Variants in PACRGL observed in about 807,000 individuals in gnomAD.
PACRGL encodes parkin coregulated like, also known as PACRG-like protein.
In PACRGL, 38 loss-of-function variants were observed where a neutral mutation model predicts 34.5. That is an observed-to-expected ratio of 1.10 (90% CI 0.85 to 1.44). The LOEUF (loss-of-function observed/expected upper bound fraction) is 1.44, where lower values mean the gene tolerates loss of function less well. PACRGL is among the 40% of genes most tolerant of loss of function. PACRGL has a pLI of 0.00. For synonymous variants in PACRGL, 128 were observed against 100.1 expected (o/e 1.28, Z -1.66); for missense variants, 305 against 281.4 (o/e 1.08, Z -0.60).
At chr4:20,720,706 A>T (rs1157850771) in intron 7 of PACRGL, among the ~76,000 whole-genome samples, 3 of 152,074 alleles carry the variant, frequency 2.0e-5, no homozygotes, top group African/African-American at 7.2e-5. Flanking sequence ...TGTTAGTCTG[A>T]TGGGCTTCCC....
At chr4:20,720,819 C>G (rs1214907791) in intron 7 of PACRGL, among the ~76,000 whole-genome samples, 1 of 152,070 alleles carries the variant, frequency 6.6e-6, no homozygotes, top group Non-Finnish European at 1.5e-5. Flanking sequence ...TTGCTCTTCT[C>G]AAGAAGTATC....
At chr4:20,758,952 A>G in the PACRGL span, 1 of 1,285,806 alleles carries the variant, frequency 7.8e-7, no homozygotes, top group Non-Finnish European at 1.1e-6. Context: ...TTTTTTTTGC[A>G]CATTTTGAAA....
chr4:20,728,312 C>CACT lies in PACRGL; in HGVS notation c.*972_*974dup, dbSNP rs1377096801. Reference sequence around the variant, plus strand: ...TTCATAGCCAGAAAATACTGATGTTCACTTAAAGATATTCAGCAATTAAAA... The same window carrying CACT: ...TTCATAGCCAGAAAATACTGATGTTCACTACTTAAAGATATTCAGCAATTAAAA... On this transcript the variant is annotated 3_prime_UTR_variant, in exon 9 of 9. Coordinates refer to ENST00000503585, the MANE Select transcript of PACRGL (RefSeq NM_001258345.3). 3 of 152,228 alleles carry CACT rather than the reference C, an allele frequency of 2.0e-5. No homozygotes were observed. The East Asian group carries it at 5.8e-4, about 29-fold the overall frequency. The allele number at this position is 152,228 out of a possible 1,614,324, so 9.4% of individuals were successfully genotyped here.
chr4:20,703,829 T>G (rs1378082698), intron 1 of PACRGL, among the ~76,000 whole-genome samples: 4 of 152,198 alleles, frequency 2.6e-5, no homozygotes, highest in Non-Finnish European at 4.4e-5. Context: ...CCCAAAGCTC[T>G]TTCTTTCTCA....
chr4:20,707,957 G>A lies in PACRGL; in HGVS notation c.275+87G>A, dbSNP rs1452278795. 2.9e-6 allele frequency: 3 copies of A among 1,031,914 alleles called. No homozygotes were observed. The Admixed American group carries it at 6.2e-5, about 21-fold the overall frequency. 63.9% of individuals were successfully genotyped at this position (1,031,914 alleles called of 1,614,324 possible). A position where few individuals can be genotyped will look rare whatever the true frequency, so the allele number is the denominator to read the frequency against. On this transcript the variant is annotated intron_variant, in intron 4 of 8. Coordinates refer to ENST00000503585, the MANE Select transcript of PACRGL (RefSeq NM_001258345.3). ...AATATTTAGTTTAAATGTATTGTAA[G>A]TTTTATTTACTAGTGAGGTTGAAAT...
intron 8 of PACRGL, among the ~76,000 whole-genome samples, 186 bp from the exon 9 acceptor site, chr4:20,727,099 A>G (rs1746031701): frequency 6.6e-6 from 1 of 152,180 alleles, no homozygotes. Context: ...AGATACTTCA[A>G]AAAAAGAGAA....
chr4:20,735,099 AAC>A (rs1382657352), downstream of PACRGL, among the ~76,000 whole-genome samples: 1 of 152,230 alleles, frequency 6.6e-6, no homozygotes, highest in Admixed American at 6.5e-5. Flanking sequence ...GTGCACACAT[AAC>A]ACACTTCAAT....
At chr4:20,765,732 C>G in the PACRGL span, among the ~76,000 whole-genome samples, 3 of 152,136 alleles carry the variant, frequency 2.0e-5, no homozygotes, top group African/African-American at 4.8e-5. Context: ...GCCTGTGAAA[C>G]CCTTCACTGT....
At chr4:20,740,260 A>C (rs535753009) in intron 8 of PACRGL, among the ~76,000 whole-genome samples, 1 of 152,308 alleles carries the variant, frequency 6.6e-6, no homozygotes, top group South Asian at 2.1e-4. Flanking sequence ...CCTTAAGAGC[A>C]ATTCCAAGAC....
In PACRGL at chr4:20,731,347, T is replaced by A; in HGVS notation, c.*4006T>A. On this transcript the variant is annotated 3_prime_UTR_variant, in exon 9 of 9. Coordinates refer to ENST00000503585, the MANE Select transcript of PACRGL (RefSeq NM_001258345.3). ...CCTCAGCCTCCCATAGTGCTGGGAT[T>A]ACAGTTGTGAGCTACTGTACCAGGC... 2 of 971,062 alleles carry A rather than the reference T, an allele frequency of 2.1e-6. No homozygotes were observed. The highest frequency in any genetic ancestry group is 2.4e-6 in the Non-Finnish European group (2 of 816,760). The allele number at this position is 971,062 out of a possible 1,614,324, so 60.2% of individuals were successfully genotyped here. A position where few individuals can be genotyped will look rare whatever the true frequency, so the allele number is the denominator to read the frequency against.
intron 8 of PACRGL, among the ~76,000 whole-genome samples, chr4:20,738,175 T>G (rs1185097290): frequency 6.6e-6 from 1 of 151,854 alleles, no homozygotes; most frequent in Admixed American, 6.6e-5. Context: ...GCATAAAATA[T>G]ACATTGCAGA....
At position 20,724,792 on chromosome 4, in the gene PACRGL, A is replaced by G. The variant is rs1266025459; in HGVS notation, c.610-16A>G. ...GTTTAAAGTCATTTCGTTTCCCCCT[A>G]ATCTTACTTTAAAAGCTTTCCAAGA... On this transcript the variant is annotated splice_polypyrimidine_tract_variant and intron_variant, in intron 7 of 8. Coordinates refer to ENST00000503585, the MANE Select transcript of PACRGL (RefSeq NM_001258345.3). The G allele has an allele frequency of 7.0e-7, 1 of 1,429,728 alleles. No individual in the cohort carries two copies. The highest frequency in any genetic ancestry group is 2.7e-5 in the Admixed American group (1 of 36,622). The allele number at this position is 1,429,728 out of a possible 1,614,324, so 88.6% of individuals were successfully genotyped here. A position where few individuals can be genotyped will look rare whatever the true frequency, so the allele number is the denominator to read the frequency against.
intron 8 of PACRGL, among the ~76,000 whole-genome samples, chr4:20,742,540 A>G (rs1199820400): frequency 6.6e-6 from 1 of 152,194 alleles, no homozygotes. Flanking sequence ...AAAACTCTCA[A>G]TAAACTAGGT....
chr4:20,721,759 C>G (rs1009055855), intron 7 of PACRGL, among the ~76,000 whole-genome samples: 1 of 152,208 alleles, frequency 6.6e-6, no homozygotes, highest in Non-Finnish European at 1.5e-5. Context: ...CTCAGTTAGG[C>G]TACTCACGGG....
At position 20,729,422 on chromosome 4, in the gene PACRGL, G is replaced by GC. The variant is rs1486467853; in HGVS notation, c.*2082dup. ...TGTAACATATTATGGAAAATTAAAT[G>GC]CTTATTAAAATAAGTTTTATTAGGC... On this transcript the variant is annotated 3_prime_UTR_variant, in exon 9 of 9. Coordinates refer to ENST00000503585, the MANE Select transcript of PACRGL (RefSeq NM_001258345.3). 6 of 151,854 alleles carry GC rather than the reference G, an allele frequency of 4.0e-5. No individual in the cohort carries two copies. Among genetic ancestry groups the GC allele is most frequent in the African/African-American group, 9.7e-5 (4 of 41,230 alleles). 9.4% of individuals were successfully genotyped at this position (151,854 alleles called of 1,614,324 possible). A position where few individuals can be genotyped will look rare whatever the true frequency, so the allele number is the denominator to read the frequency against.
At chr4:20,739,776 C>G (rs905340855) in intron 8 of PACRGL, among the ~76,000 whole-genome samples, 2 of 152,064 alleles carry the variant, frequency 1.3e-5, no homozygotes, top group Non-Finnish European at 2.9e-5. Context: ...TTCAAAAGAT[C>G]AGTAATAACA....
downstream of PACRGL, among the ~76,000 whole-genome samples, chr4:20,735,677 C>A (rs2149278667): frequency 6.6e-6 from 1 of 152,088 alleles, no homozygotes; most frequent in East Asian, 1.9e-4. Context: ...GCTGGGACTA[C>A]AGGCACCCGC....
At position 20,746,215 on chromosome 4, in the gene PACRGL, A is replaced by G. The variant is rs536925022; in HGVS notation, c.*57-6350A>G. 1.5e-3 allele frequency among the ~76,000 whole-genome samples: 235 copies of G among 152,312 alleles called. 2 individuals are homozygous for G. The highest frequency in any genetic ancestry group is 3.1e-3 in the Non-Finnish European group (214 of 68,034). ...TGCAGCCATAAAAAAGGATGAGTTCATGTCCTTTGTGGGGAATGAAGCTGG... is the reference window on the plus strand; with the variant it reads ...TGCAGCCATAAAAAAGGATGAGTTCGTGTCCTTTGTGGGGAATGAAGCTGG... On this transcript the variant is annotated intron_variant, in intron 8 of 8. Coordinates refer to the PACRGL transcript ENST00000507634.
Position 20,712,771 on chromosome 4 carries a change from C to A in PACRGL, c.367-17C>A. ...TGAAATGGGTAGTAAATCATGTTTC[C>A]TCTTGGTCTTTGTCAGGGTCTGAGA... On this transcript the variant is annotated splice_polypyrimidine_tract_variant and intron_variant, in intron 5 of 8. Coordinates refer to ENST00000503585, the MANE Select transcript of PACRGL (RefSeq NM_001258345.3). 6.9e-7 allele frequency: 1 copy of A among 1,456,608 alleles called. No homozygotes were observed. Among genetic ancestry groups the A allele is most frequent in the Non-Finnish European group, 9.2e-7 (1 of 1,090,888 alleles). The allele number at this position is 1,456,608 out of a possible 1,614,324, so 90.2% of individuals were successfully genotyped here. A position where few individuals can be genotyped will look rare whatever the true frequency, so the allele number is the denominator to read the frequency against.
Sources: gnomAD v4.1 joint callset for allele counts (sites outside exome capture counted in the v4.1 genomes callset) on GRCh38, gnomAD v4.1.1 for gene constraint, MANE v1.5 for transcripts, NCBI Gene and HGNC (gene_info 2026-07-23, HGNC 2026-07-21) for gene names.